RPA3: variants seen among roughly 807,000 people sequenced by gnomAD.
The protein encoded by RPA3 is replication protein A3, also known as replication protein A 14 kDa subunit.
Under a neutral mutation model 13.7 loss-of-function variants are expected in RPA3, and 24 were observed. The ratio of observed to expected loss-of-function variants is 1.75; its 90% CI spans 1.27 to 2.46. The LOEUF (loss-of-function observed/expected upper bound fraction) is 2.46. Ranked by LOEUF, RPA3 falls within the 30% of genes most tolerant of loss-of-function variation. The probability of loss-of-function intolerance (pLI) is 0.00; values close to 1 mark genes in which losing one functional copy is unlikely to be tolerated. For synonymous variants in RPA3, 59 were observed against 51.2 expected, an observed-to-expected ratio of 1.15 and a Z score of -0.65; for missense variants, 183 against 151.0, an observed-to-expected ratio of 1.21 and a Z score of -1.11.
At chr7:7,680,627 G>A (rs1779885574) in intron 4 of RPA3, among the ~76,000 whole-genome samples, 1 of 151,912 alleles carries the variant, frequency 6.6e-6, no homozygotes, top group African/African-American at 2.4e-5. Flanking sequence ...GATTGTTTTG[G>A]GTAGTATGGA....
chr7:7,640,213 G>A lies in RPA3; in HGVS notation c.99+107C>T, dbSNP rs1784933000. The A allele has an allele frequency of 5.1e-6, 6 of 1,179,472 alleles. No individual in the cohort carries two copies. In the East Asian group the frequency reaches 9.4e-5, roughly 18 times the overall value. The allele number at this position is 1,179,472 out of a possible 1,614,324, so 73.1% of individuals were successfully genotyped here. ...TCCTTGTGCAAAATAAAGGAGTCGG[G>A]GGCGCAGTGATCGGAGGCTTTCCGT... On this transcript the variant is annotated intron_variant, in intron 5 of 7. Transcript: ENST00000223129.
intron 4 of RPA3, among the ~76,000 whole-genome samples, chr7:7,684,473 T>G (rs903774436): frequency 1.3e-5 from 2 of 152,032 alleles, no homozygotes; most frequent in African/African-American, 4.8e-5. Flanking sequence ...CCTCCCAAAG[T>G]GTTGGGATTA....
chr7:7,661,297 A>G (rs1179986706), intron 4 of RPA3, among the ~76,000 whole-genome samples: 1 of 152,064 alleles, frequency 6.6e-6, no homozygotes, highest in Non-Finnish European at 1.5e-5. Context: ...GTTATTACCC[A>G]TCTCTGAAGC....
intron 4 of RPA3, among the ~76,000 whole-genome samples, chr7:7,655,683 G>A (rs151123264): frequency 1.3e-3 from 192 of 152,318 alleles, no homozygotes; most frequent in Admixed American, 2.5e-3. Flanking sequence ...TGCTATATAT[G>A]TGTATGATGT....
chr7:7,652,432 CTTG>C (rs1785245010), intron 4 of RPA3, among the ~76,000 whole-genome samples: 1 of 152,130 alleles, frequency 6.6e-6, no homozygotes, highest in Non-Finnish European at 1.5e-5. Flanking sequence ...AGCTGGCTGT[CTTG>C]TTTACTCAGC....
intron 2 of RPA3, among the ~76,000 whole-genome samples, chr7:7,695,667 A>T (rs1203835106): frequency 6.6e-6 from 1 of 152,218 alleles, no homozygotes; most frequent in Non-Finnish European, 1.5e-5. Context: ...GAATTAAAAA[A>T]GACATTGCTT....
At chr7:7,686,496 A>G (rs559627411) in intron 3 of RPA3, among the ~76,000 whole-genome samples, 5 of 152,226 alleles carry the variant, frequency 3.3e-5, no homozygotes, top group South Asian at 2.1e-4. Flanking sequence ...ATTGAGAATT[A>G]TCTTTTAATG....
At chr7:7,656,451 T>C (rs138215232) in intron 4 of RPA3, among the ~76,000 whole-genome samples, 1,538 of 152,278 alleles carry the variant, frequency 0.01, 28 homozygotes, top group Admixed American at 0.018. Flanking sequence ...TTTCTTCTAA[T>C]GCTATTCCTC....
intron 2 of RPA3, among the ~76,000 whole-genome samples, chr7:7,697,449 T>C (rs74893567): frequency 0.018 from 2,738 of 152,320 alleles, 82 homozygotes; most frequent in African/African-American, 0.063. Context: ...AGGTATCTTA[T>C]GGGTACATAC....
At chr7:7,676,181 T>C in intron 4 of RPA3, 1 of 398,660 alleles carries the variant, frequency 2.5e-6, no homozygotes, top group Non-Finnish European at 4.4e-6. Flanking sequence ...GCTTCGTGGC[T>C]CCACGACTTA....
At chr7:7,702,940 T>TG (rs1332764636) in intron 2 of RPA3, among the ~76,000 whole-genome samples, 1 of 152,246 alleles carries the variant, frequency 6.6e-6, no homozygotes, top group East Asian at 1.9e-4. Flanking sequence ...ATTTTTCACT[T>TG]GCGTCATTCT....
At chr7:7,709,891 TA>T (rs972233080) in intron 2 of RPA3, among the ~76,000 whole-genome samples, 9 of 152,318 alleles carry the variant, frequency 5.9e-5, no homozygotes, top group African/African-American at 1.7e-4. Context: ...TGAAGTTCTC[TA>T]AGTCTTCTCC....
intron 4 of RPA3, among the ~76,000 whole-genome samples, chr7:7,649,442 A>T (rs1264641008): frequency 6.6e-6 from 1 of 152,196 alleles, no homozygotes; most frequent in African/African-American, 2.4e-5. Flanking sequence ...GTTACCTTTT[A>T]TAGGTCCCAG....
chr7:7,640,247 AT>A, intron 5 of RPA3, 72 bp downstream of exon 5: 3 of 1,474,736 alleles, frequency 2.0e-6, no homozygotes, highest in Non-Finnish European at 2.8e-6. Flanking sequence ...GTCCTTTTTC[AT>A]CCCCCGTTAT....
At chr7:7,703,151 TGCCGAAAATAATTACTG>T in intron 2 of RPA3, among the ~76,000 whole-genome samples, 1 of 152,344 alleles carries the variant, frequency 6.6e-6, no homozygotes, top group East Asian at 1.9e-4. Context: ...TTATTTTATT[TGCCGAAAATAATTACTG>T]GTGCCCACTA....
At chr7:7,688,226 C>G (rs1464725671) in intron 2 of RPA3, among the ~76,000 whole-genome samples, 1 of 152,040 alleles carries the variant, frequency 6.6e-6, no homozygotes, top group Non-Finnish European at 1.5e-5. Flanking sequence ...TTAGATGTTG[C>G]TTTGGTTTAC....
At chr7:7,663,496 C>G (rs1785528474) in intron 4 of RPA3, among the ~76,000 whole-genome samples, 1 of 152,030 alleles carries the variant, frequency 6.6e-6, no homozygotes, top group Admixed American at 6.6e-5. Context: ...AAATAAAAAA[C>G]CTAGGTGGGA....
rs113360283 is a variant in RPA3 at position 7,669,052 on chromosome 7, A to C, written c.-758+16778T>G. ...TAGGGAGAATGGGCCAACTCTACAC[A>C]TATATAGACAGTGGCCCCAGCTGGG... On this transcript the variant is annotated intron_variant, in intron 4 of 7. Transcript: ENST00000223129. Among the ~76,000 whole-genome samples, 10 of 151,464 alleles carry C rather than the reference A, an allele frequency of 6.6e-5. 1 individual carries two copies. The highest frequency in any genetic ancestry group is 2.4e-4 in the African/African-American group (10 of 41,174).
chr7:7,671,519 G>A (rs576725172), intron 4 of RPA3, among the ~76,000 whole-genome samples: 164 of 152,296 alleles, frequency 1.1e-3, no homozygotes, highest in South Asian at 5.4e-3. Flanking sequence ...GGCCTTCTCA[G>A]TTTTGTTTTT....
Sources: allele counts gnomAD v4.1 joint callset (sites outside exome capture counted in the v4.1 genomes callset), GRCh38; gene constraint gnomAD v4.1.1; transcripts MANE v1.5; gene names NCBI Gene and HGNC (gene_info 2026-07-23, HGNC 2026-07-21).